DEPDC5: variants seen among roughly 807,000 people sequenced by gnomAD.
DEPDC5 encodes DEP domain containing 5, GATOR1 subcomplex subunit, also known as GATOR1 complex protein DEPDC5.
DEPDC5 carries 73 observed loss-of-function variants against 217.3 expected under a neutral mutation model. The observed-to-expected ratio is 0.34, with a 90% CI of 0.28 to 0.41. The LOEUF is 0.41. Among genes scored for constraint, DEPDC5 ranks in the 10% least tolerant of loss-of-function variants. The pLI, the probability that DEPDC5 is intolerant of heterozygous loss-of-function variation, is 1.00. For synonymous variants in DEPDC5, 733 were observed against 756.7 expected (o/e 0.97, Z 0.51); for missense variants, 1,675 against 2,070.1 (o/e 0.81, Z 3.70).
At chr22:31,837,868 A>AT (rs1157662212) in intron 26 of DEPDC5, among the ~76,000 whole-genome samples, 1 of 151,790 alleles carries the variant, frequency 6.6e-6, no homozygotes, top group Admixed American at 6.6e-5. Context: ...CACATGGCTA[A>AT]TTTTTTGTAT....
chr22:31,879,067 T>TACATACAC (rs1555918457), intron 37 of DEPDC5, among the ~76,000 whole-genome samples: 6 of 133,966 alleles, frequency 4.5e-5, no homozygotes, highest in African/African-American at 1.8e-4. Flanking sequence ...TATATATATA[T>TACATACAC]ACACACACAC....
At chr22:31,763,550 A>G (rs1601623140) in intron 4 of DEPDC5, among the ~76,000 whole-genome samples, 2 of 146,010 alleles carry the variant, frequency 1.4e-5, no homozygotes, top group South Asian at 4.4e-4. Context: ...ATGATTCTCC[A>G]TCTCCCACCT....
intron 7 of DEPDC5, among the ~76,000 whole-genome samples, chr22:31,775,837 C>T (rs891531533): frequency 1.4e-4 from 21 of 151,850 alleles, no homozygotes; most frequent in Admixed American, 5.9e-4. Flanking sequence ...GTCAGGAGTT[C>T]GAGACCAGCC....
At chr22:31,897,046 G>A (rs987345347) in intron 39 of DEPDC5, among the ~76,000 whole-genome samples, 4 of 152,086 alleles carry the variant, frequency 2.6e-5, no homozygotes, top group African/African-American at 9.7e-5. Context: ...GAACCTGGGA[G>A]GCGGAGGTTG....
rs2088159576 is a variant in DEPDC5, at chr22:31,810,534, A to C, written c.1338A>C (p.Pro446=). 2 of 1,614,166 alleles carry C rather than the reference A, an allele frequency of 1.2e-6. No individual in the cohort carries two copies. The highest frequency in any genetic ancestry group is 4.5e-5 in the East Asian group (2 of 44,882). The part of the protein sequence containing the change: ...KNGRDTSLGS[P]KESENALPIQ... ...TGTGTATTTCAGCTCTCGGGAGTCC[A>C]AAAGAATCTGAGAACGCCCTTCCCA... The change falls in exon 20 of 43, where the codon CCA becomes CCC. Residue 446 remains proline (P), a synonymous_variant. Transcript: ENST00000651528.
chr22:31,822,705 C>T lies in DEPDC5; in HGVS notation c.2019C>T (p.Ser673=). The T allele has an allele frequency of 1.9e-6, 3 of 1,614,082 alleles. No individual in the cohort carries two copies. Among genetic ancestry groups the T allele is most frequent in the Non-Finnish European group, 2.5e-6 (3 of 1,179,992 alleles). ...CTGTTCTCTGCAGGCACAGCAATTC[C>T]CGCCAGCCTGGTGACGGCATGTCCT... ...YHEAAGRHSN[S]RQPGDGMSFL... is the part of the protein sequence containing the mutation. The change falls in exon 24 of 43, where the codon TCC becomes TCT. Residue 673 remains serine (S), a synonymous_variant. Coordinates refer to ENST00000651528, the MANE Select transcript of DEPDC5 (RefSeq NM_001242896.3).
chr22:31,760,487 A>C (rs2082300644), intron 3 of DEPDC5, among the ~76,000 whole-genome samples, 169 bp from the exon 4 acceptor site: 1 of 152,202 alleles, frequency 6.6e-6, no homozygotes, highest in South Asian at 2.1e-4. Flanking sequence ...TACAGGCGTG[A>C]GCCACCGCAC....
At chr22:31,815,407 T>C in intron 21 of DEPDC5, 195 bp downstream of exon 21, 2 of 657,718 alleles carry the variant, frequency 3.0e-6, no homozygotes, top group East Asian at 2.8e-5. Context: ...TTTTTTTTTT[T>C]GGTGACAGAG....
At chr22:31,792,151 C>A in intron 11 of DEPDC5, 49 bp downstream of exon 11, 3 of 1,333,474 alleles carry the variant, frequency 2.2e-6, no homozygotes, top group Non-Finnish European at 3.2e-6. Context: ...AAGCTTCCCC[C>A]AACCCCACCC....
chr22:31,815,578 A>G (rs939848781), intron 21 of DEPDC5: 1 of 612,568 alleles, frequency 1.6e-6, no homozygotes, highest in Non-Finnish European at 2.8e-6. Context: ...AGAGGTGGGG[A>G]AGTGCAGTGA....
intron 11 of DEPDC5, 90 bp from the exon 12 acceptor site, chr22:31,792,655 T>G: frequency 1.2e-6 from 1 of 840,182 alleles, no homozygotes; most frequent in Non-Finnish European, 1.8e-6. Context: ...TATTTTTTTG[T>G]GATGCAAATC....
At chr22:31,881,196 G>A (rs9621358) in intron 38 of DEPDC5, among the ~76,000 whole-genome samples, 6,852 of 151,744 alleles carry the variant, frequency 0.045, 493 homozygotes, top group African/African-American at 0.15. Context: ...CAGCTACTCC[G>A]GAGGCCGAGG....
intron 10 of DEPDC5, among the ~76,000 whole-genome samples, chr22:31,787,642 A>C (rs912389197): frequency 2.0e-5 from 3 of 152,076 alleles, no homozygotes; most frequent in Non-Finnish European, 4.4e-5. Flanking sequence ...CTGTCTCTAC[A>C]AAAATAAAAA....
chr22:31,827,520 C>T (rs747148896), intron 24 of DEPDC5, among the ~76,000 whole-genome samples: 1 of 152,144 alleles, frequency 6.6e-6, no homozygotes, highest in Admixed American at 6.5e-5. Flanking sequence ...CCTTCCATAT[C>T]GTTTATTTTC....
intron 21 of DEPDC5, among the ~76,000 whole-genome samples, chr22:31,818,394 G>A (rs2089367185): frequency 6.6e-6 from 1 of 152,162 alleles, no homozygotes; most frequent in South Asian, 2.1e-4. Flanking sequence ...ATCCTGGGAT[G>A]CCATGATTAT....
At chr22:31,764,125 G>A (rs138642321) in intron 4 of DEPDC5, among the ~76,000 whole-genome samples, 1,653 of 151,602 alleles carry the variant, frequency 0.011, 29 homozygotes, top group African/African-American at 0.037. Flanking sequence ...GTAGAGGCGG[G>A]GTTTCACCAT....
chr22:31,866,160 T>C (rs1369348105), intron 33 of DEPDC5, among the ~76,000 whole-genome samples: 1 of 152,072 alleles, frequency 6.6e-6, no homozygotes, highest in African/African-American at 2.4e-5. Context: ...CTAACAGGGT[T>C]CCCTCCCTTA....
chr22:31,819,182 G>A lies in DEPDC5; in HGVS notation c.1827G>A (p.Lys609=). The stretch of plus-strand genomic sequence containing the variant: ...TCGCTCCCTCTCGGATGCCCATGAA[G>A]CTTACGTCCAACAGAAGGCGCTGGA... ...NPFAPSRMPM[K]LTSNRRRWMH... is the part of the protein sequence containing the mutation. Residue 609 remains lysine (K), a synonymous_variant, in exon 22 of 43, where the codon AAG becomes AAA. Transcript: ENST00000651528. The A allele has an allele frequency of 6.2e-7, 1 of 1,614,192 alleles. No homozygotes were observed. The highest frequency in any genetic ancestry group is 2.2e-5 in the East Asian group (1 of 44,882).
rs377294383 is a variant in DEPDC5, at chr22:31,821,567, A to G, written c.1936A>G (p.Ser646Gly). 7.4e-6 allele frequency: 12 copies of G among 1,614,088 alleles called. No homozygotes were observed. Among genetic ancestry groups the G allele is most frequent in the Non-Finnish European group, 1.0e-5 (12 of 1,180,028 alleles). Residue 646 changes from serine (S) to glycine (G), a missense_variant, in exon 23 of 43, where the codon AGC becomes GGC. Around this residue, in one of 11 missense-constraint regions of DEPDC5, gnomAD observed 136 missense variants for 132.2 expected, o/e 1.03. Transcript: ENST00000651528. ...TRQNMAELQG[S>G]GQRDPTHSSA... ...ACAGAATATGGCGGAGCTACAAGGC[A>G]GCGGGCAGAGGGATCCAACTCACTC...
Sources: gnomAD v4.1 joint callset for allele counts (sites outside exome capture counted in the v4.1 genomes callset) on GRCh38, gnomAD v4.1.1 for gene constraint, gnomAD v4.1.1 regional missense constraint, MANE v1.5 for transcripts, NCBI Gene and HGNC (gene_info 2026-07-23, HGNC 2026-07-21) for gene names.